Variants in RAB11FIP4 observed in about 807,000 individuals in gnomAD.
RAB11FIP4 encodes the protein RAB11 family interacting protein 4.
Under a neutral mutation model 74.3 loss-of-function variants are expected in RAB11FIP4, and 23 were observed. The ratio of observed to expected loss-of-function variants is 0.31; its 90% CI spans 0.22 to 0.44. The LOEUF (loss-of-function observed/expected upper bound fraction) is 0.44. Ranked by LOEUF, RAB11FIP4 falls within the 20% of genes least tolerant of loss-of-function variation. The pLI, the probability that RAB11FIP4 is intolerant of heterozygous loss-of-function variation, is 1.00. For missense variants in RAB11FIP4, 630 were observed against 863.9 expected (o/e 0.73, Z 3.39); for synonymous variants, 360 against 359.9 (o/e 1.00, Z 0.00).
At position 31,482,531 on chromosome 17, in the gene RAB11FIP4, C is replaced by A. The variant is rs925940278; in HGVS notation, c.337-35120C>A. Among the ~76,000 whole-genome samples, 12 of 150,792 alleles carry A rather than the reference C, an allele frequency of 8.0e-5. No individual in the cohort carries two copies. In the East Asian group the frequency reaches 2.4e-3, roughly 30 times the overall value. Reference sequence around the variant, plus strand: ...ACCTGAACCCAGGAGACAGAGGTTGCAGTGAGCAAAGATCGCACCACTGCA... The same window carrying A: ...ACCTGAACCCAGGAGACAGAGGTTGAAGTGAGCAAAGATCGCACCACTGCA... On this transcript the variant is annotated intron_variant, in intron 3 of 14. Transcript: ENST00000621161.
intron 3 of RAB11FIP4, among the ~76,000 whole-genome samples, chr17:31,455,155 G>A (rs1479143875): frequency 6.6e-6 from 1 of 152,172 alleles, no homozygotes; most frequent in Non-Finnish European, 1.5e-5. Context: ...TGCATGAAAA[G>A]CCAAAGAGAT....
intron 3 of RAB11FIP4, among the ~76,000 whole-genome samples, chr17:31,445,573 T>C (rs28699410): frequency 1.1e-3 from 11 of 10,476 alleles, no homozygotes; most frequent in African/African-American, 4.5e-3. Flanking sequence ...TATATATATA[T>C]ATATATTTTT....
intron 10 of RAB11FIP4, 86 bp from the exon 11 acceptor site, chr17:31,527,756 A>T (rs1032009060): frequency 1.1e-6 from 1 of 906,740 alleles, no homozygotes; most frequent in Non-Finnish European, 1.7e-6. Flanking sequence ...CTCTGGGAGG[A>T]AGCAGAGAAT....
In RAB11FIP4 at chr17:31,419,700, A is replaced by G. The variant is rs546694915; in HGVS notation, c.160-12113A>G. Among the ~76,000 whole-genome samples, 506 of 151,648 alleles carry G rather than the reference A, an allele frequency of 3.3e-3. 3 individuals are homozygous for G. The highest frequency in any genetic ancestry group is 9.3e-3 in the Admixed American group (142 of 15,232). On this transcript the variant is annotated intron_variant, in intron 1 of 14. Coordinates refer to ENST00000621161, the MANE Select transcript of RAB11FIP4 (RefSeq NM_032932.6). ...CGAGTAGCTGGGACTACAGGCGCCC[A>G]CCACCATGCCCGGCTAATTTTTTGT...
chr17:31,513,133 C>T (rs1386553375), intron 3 of RAB11FIP4, among the ~76,000 whole-genome samples: 1 of 152,070 alleles, frequency 6.6e-6, no homozygotes, highest in African/African-American at 2.4e-5. Context: ...TCTCCCATGA[C>T]CCCCAGTCTA....
chr17:31,407,398 C>T (rs149351494), intron 1 of RAB11FIP4, among the ~76,000 whole-genome samples: 1 of 152,126 alleles, frequency 6.6e-6, no homozygotes, highest in Admixed American at 6.5e-5. Context: ...TATCATCTAA[C>T]TCCATTTCTG....
At chr17:31,491,651 TG>T (rs1007897296) in intron 3 of RAB11FIP4, among the ~76,000 whole-genome samples, 1 of 152,076 alleles carries the variant, frequency 6.6e-6, no homozygotes, top group Admixed American at 6.5e-5. Context: ...AAGCCAGGGC[TG>T]GGGGGACAGG....
chr17:31,515,125 A>C (rs2072522556), intron 3 of RAB11FIP4, among the ~76,000 whole-genome samples: 1 of 152,172 alleles, frequency 6.6e-6, no homozygotes, highest in Admixed American at 6.5e-5. Context: ...CATGAAGCAC[A>C]GGTGGGATAA....
intron 1 of RAB11FIP4, among the ~76,000 whole-genome samples, chr17:31,410,288 T>G (rs1398810977): frequency 1.3e-5 from 2 of 152,178 alleles, no homozygotes; most frequent in Non-Finnish European, 2.9e-5. Flanking sequence ...TCACTGGGAT[T>G]GTGCGCTTGC....
chr17:31,499,037 A>G (rs1224124000), intron 3 of RAB11FIP4, among the ~76,000 whole-genome samples: 2 of 152,182 alleles, frequency 1.3e-5, no homozygotes, highest in Admixed American at 6.5e-5. Flanking sequence ...AGAGCCCTTT[A>G]TACGCACCCC....
chr17:31,431,806 C>T lies in RAB11FIP4; in HGVS notation c.160-7C>T, dbSNP rs2071312455. The T allele has an allele frequency of 6.7e-7, 1 of 1,490,516 alleles. No homozygotes were observed. The highest frequency in any genetic ancestry group is 1.1e-5 in the South Asian group (1 of 89,460). The allele number at this position is 1,490,516 out of a possible 1,614,324, so 92.3% of individuals were successfully genotyped here. A position where few individuals can be genotyped will look rare whatever the true frequency, so the allele number is the denominator to read the frequency against. On this transcript the variant is annotated splice_polypyrimidine_tract_variant and splice_region_variant and intron_variant, in intron 1 of 14. Coordinates refer to ENST00000621161, the MANE Select transcript of RAB11FIP4 (RefSeq NM_032932.6). ...GTCTCACACCTGTCCCTGCTTCATTCCCACAGGTGGAAAAACTTGTGAAAT... is the reference window on the plus strand; with the variant it reads ...GTCTCACACCTGTCCCTGCTTCATTTCCACAGGTGGAAAAACTTGTGAAAT...
chr17:31,501,325 T>TA (rs373057437), intron 3 of RAB11FIP4, among the ~76,000 whole-genome samples: 61 of 141,930 alleles, frequency 4.3e-4, no homozygotes, highest in Admixed American at 1.6e-3. Context: ...TATCATAAGT[T>TA]AAAAAAAAAA....
chr17:31,477,849 T>G (rs955821472), intron 3 of RAB11FIP4, among the ~76,000 whole-genome samples: 4 of 152,096 alleles, frequency 2.6e-5, no homozygotes, highest in Admixed American at 1.3e-4. Flanking sequence ...TTGAGTAACC[T>G]CTCTGAGCCT....
chr17:31,400,681 A>G (rs1447920336), intron 1 of RAB11FIP4, among the ~76,000 whole-genome samples: 2 of 152,218 alleles, frequency 1.3e-5, no homozygotes, highest in Non-Finnish European at 2.9e-5. Flanking sequence ...GCCGATTGGC[A>G]GTGGGAGTGA....
At chr17:31,518,737 C>T (rs980270219) in intron 4 of RAB11FIP4, 1 of 152,238 alleles carries the variant, frequency 6.6e-6, no homozygotes, top group African/African-American at 2.4e-5. Flanking sequence ...TCTAAAAAAA[C>T]CAAAAAACAA....
chr17:31,524,040 G>A (rs1312650697), intron 9 of RAB11FIP4, 44 bp downstream of exon 9: 2 of 1,407,014 alleles, frequency 1.4e-6, no homozygotes, highest in African/African-American at 2.8e-5. Context: ...TGACGCTGGG[G>A]AACAAAGGGG....
chr17:31,406,503 C>T (rs540513528), intron 1 of RAB11FIP4, among the ~76,000 whole-genome samples: 1 of 152,242 alleles, frequency 6.6e-6, no homozygotes, highest in Admixed American at 6.5e-5. Flanking sequence ...GCTCCAGGCA[C>T]GAGGGTGCTG....
At chr17:31,459,792 A>C (rs553877965) in intron 3 of RAB11FIP4, among the ~76,000 whole-genome samples, 1 of 57,842 alleles carries the variant, frequency 1.7e-5, no homozygotes, top group East Asian at 4.9e-4. Context: ...GTCCCTCCCC[A>C]CGGCCCCAGA....
At position 31,528,819 on chromosome 17, in the gene RAB11FIP4, C is replaced by T. The variant is rs768804164; in HGVS notation, c.1653+41C>T. On this transcript the variant is annotated intron_variant, in intron 13 of 14. Transcript: ENST00000621161. Reference sequence around the variant, plus strand: ...TCTGTGTCCAGTGGGGCAGGGTGGCCGGGCCCACCACGTGGGTTTCCTGTG... The same window carrying T: ...TCTGTGTCCAGTGGGGCAGGGTGGCTGGGCCCACCACGTGGGTTTCCTGTG... 3.4e-5 allele frequency: 54 copies of T among 1,578,992 alleles called. 1 individual carries two copies. Among genetic ancestry groups the T allele is most frequent in the African/African-American group, 1.5e-4 (11 of 74,322 alleles).
Sources: gnomAD v4.1 joint callset for allele counts (sites outside exome capture counted in the v4.1 genomes callset) on GRCh38, gnomAD v4.1.1 for gene constraint, MANE v1.5 for transcripts, NCBI Gene and HGNC (gene_info 2026-07-23, HGNC 2026-07-21) for gene names.